The following PTPRB variants were observed in gnomAD, a reference collection of about 807,000 sequenced individuals.
The protein encoded by PTPRB is receptor-type tyrosine-protein phosphatase beta.
A neutral mutation model predicts 238.1 loss-of-function variants in PTPRB; 97 were observed. That is an observed-to-expected ratio of 0.41 (90% CI 0.35 to 0.48). The LOEUF (loss-of-function observed/expected upper bound fraction) is 0.48. Ranked by LOEUF, PTPRB falls within the 20% of genes least tolerant of loss-of-function variation. The probability of loss-of-function intolerance (pLI) is 0.30; values close to 1 mark genes in which losing one functional copy is unlikely to be tolerated. For missense variants in PTPRB, 2,292 were observed against 2,681.9 expected (o/e 0.85, Z 3.21); for synonymous variants, 970 against 995.4 (o/e 0.97, Z 0.48).
At chr12:70,530,485 G>A (rs1873057369) in intron 32 of PTPRB, among the ~76,000 whole-genome samples, 1 of 127,572 alleles carries the variant, frequency 7.8e-6, no homozygotes, top group Non-Finnish European at 1.6e-5. Flanking sequence ...AATATGACAT[G>A]TATTACACAC....
intron 20 of PTPRB, among the ~76,000 whole-genome samples, chr12:70,554,465 G>A (rs10879161): frequency 0.015 from 2,280 of 152,262 alleles, 50 homozygotes; most frequent in East Asian, 0.14. Context: ...ACTCTTACAG[G>A]TGGTTTGACA....
At chr12:70,567,515 C>T (rs996263591) in intron 14 of PTPRB, among the ~76,000 whole-genome samples, 6 of 152,272 alleles carry the variant, frequency 3.9e-5, no homozygotes, top group Non-Finnish European at 5.9e-5. Flanking sequence ...TAATCAAATA[C>T]GAGTTTTATT....
At chr12:70,595,277 A>C (rs1341984556) in intron 5 of PTPRB, among the ~76,000 whole-genome samples, 2 of 152,114 alleles carry the variant, frequency 1.3e-5, no homozygotes, top group South Asian at 2.1e-4. Context: ...GGAGGGGAAC[A>C]TCACACACGG....
intron 11 of PTPRB, among the ~76,000 whole-genome samples, chr12:70,575,545 G>C (rs1446819358): frequency 6.6e-6 from 1 of 152,132 alleles, no homozygotes; most frequent in Non-Finnish European, 1.5e-5. Context: ...CCTTTGCCAA[G>C]TATTTACTGA....
chr12:70,619,861 T>G (rs1884850001), intron 3 of PTPRB, among the ~76,000 whole-genome samples: 1 of 152,224 alleles, frequency 6.6e-6, no homozygotes, highest in Admixed American at 6.5e-5. Context: ...CAGAGTACCT[T>G]TTGAAATTAC....
At position 70,520,141 on chromosome 12, in the gene PTPRB, C is replaced by T. The variant is rs1234527244; in HGVS notation, c.*1348G>A. On this transcript the variant is annotated 3_prime_UTR_variant, in exon 34 of 34. Transcript: ENST00000334414. ...GTGTGAAAAAGGCAAACATCTCCAG[C>T]TCATCTTCTCAGGTATCTATGAAGA... is the stretch of plus-strand genomic sequence containing the variant. 5 of 431,514 alleles carry T rather than the reference C, an allele frequency of 1.2e-5. No individual in the cohort carries two copies. Among genetic ancestry groups the T allele is most frequent in the South Asian group, 5.1e-5 (3 of 58,960 alleles). 26.7% of individuals were successfully genotyped at this position (431,514 alleles called of 1,614,324 possible). A position where few individuals can be genotyped will look rare whatever the true frequency, so the allele number is the denominator to read the frequency against.
Position 70,560,274 on chromosome 12 carries a change from C to T in PTPRB, c.4432+397G>A, listed in dbSNP as rs1878318370. Among the ~76,000 whole-genome samples the T allele has an allele frequency of 6.6e-6, 1 of 152,164 alleles. No individual in the cohort carries two copies. The highest frequency in any genetic ancestry group is 1.5e-5 in the Non-Finnish European group (1 of 68,034). On this transcript the variant is annotated intron_variant, in intron 17 of 33. Coordinates refer to ENST00000334414, the MANE Select transcript of PTPRB (RefSeq NM_001109754.4). This position sits in a 1 kb window ranked among gnomAD's most constrained non-coding sequence, Gnocchi z 4.2. ...TTTTGGGGTACAGGGCTGACGTCCACAGACAATTATGTTCAGTTGCAGATA... is the reference window on the plus strand; with the variant it reads ...TTTTGGGGTACAGGGCTGACGTCCATAGACAATTATGTTCAGTTGCAGATA...
chr12:70,594,349 A>T, intron 6 of PTPRB, 118 bp downstream of exon 6: 2 of 1,340,726 alleles, frequency 1.5e-6, no homozygotes, highest in Non-Finnish European at 2.0e-6. Context: ...TGGGTCTTCT[A>T]TACCTTATAA....
chr12:70,587,063 G>C lies in PTPRB; in HGVS notation c.2255C>G (p.Thr752Arg). 6.2e-7 allele frequency: 1 copy of C among 1,613,790 alleles called. No individual in the cohort carries two copies. Among genetic ancestry groups the C allele is most frequent in the Non-Finnish European group, 8.5e-7 (1 of 1,179,670 alleles). ...TAAGTCTCCACTAATACTGGTGACT[G>C]TAGCCATGTATTTTCGTCCAGGCAC... ...DLVPGRKYMA[T>R]VTSISGDLKN... The change falls in exon 9 of 34, where the codon ACA becomes AGA. Residue 752 changes from threonine to arginine, a missense_variant. By Grantham distance (71) the Thr-to-Arg change is moderately conservative. Coordinates refer to ENST00000334414, the MANE Select transcript of PTPRB (RefSeq NM_001109754.4).
intron 11 of PTPRB, among the ~76,000 whole-genome samples, chr12:70,572,564 T>C (rs1026733806): frequency 6.6e-6 from 1 of 151,866 alleles, no homozygotes; most frequent in Non-Finnish European, 1.5e-5. Flanking sequence ...GGTCAGAAGT[T>C]TGAGAACAGC....
intron 9 of PTPRB, among the ~76,000 whole-genome samples, chr12:70,581,660 C>G (rs1881410131): frequency 6.6e-6 from 1 of 152,074 alleles, no homozygotes; most frequent in Admixed American, 6.6e-5. Context: ...GAATTCAAAG[C>G]TATCTAATCT....
At chr12:70,578,391 C>A (rs146901830) in intron 10 of PTPRB, among the ~76,000 whole-genome samples, 212 of 151,842 alleles carry the variant, frequency 1.4e-3, no homozygotes, top group African/African-American at 4.6e-3. Flanking sequence ...CTAAAAGAGG[C>A]ACCTTTCAAA....
At chr12:70,566,231 A>G (rs1440641717) in intron 15 of PTPRB, among the ~76,000 whole-genome samples, 1 of 152,242 alleles carries the variant, frequency 6.6e-6, no homozygotes, top group Non-Finnish European at 1.5e-5. Flanking sequence ...ATATTAATGA[A>G]AAATCAGAAA....
At chr12:70,534,093 A>G (rs1425925152) in intron 31 of PTPRB, among the ~76,000 whole-genome samples, 1 of 152,238 alleles carries the variant, frequency 6.6e-6, no homozygotes, top group Non-Finnish European at 1.5e-5. Flanking sequence ...GGCCAGAGGC[A>G]AGAATAAGCT....
chr12:70,614,625 C>A (rs79443385), intron 3 of PTPRB, among the ~76,000 whole-genome samples: 4,434 of 152,246 alleles, frequency 0.029, 95 homozygotes, highest in Non-Finnish European at 0.042. Flanking sequence ...GCAAACTTAA[C>A]ACATGTTAGA....
At chr12:70,634,902 A>G (rs1885614355) in intron 2 of PTPRB, among the ~76,000 whole-genome samples, 1 of 152,218 alleles carries the variant, frequency 6.6e-6, no homozygotes, top group Non-Finnish European at 1.5e-5. Flanking sequence ...TCTAAAGCAA[A>G]CCTCTAATAG....
At chr12:70,611,950 C>T (rs1395412616) in intron 3 of PTPRB, among the ~76,000 whole-genome samples, 2 of 152,212 alleles carry the variant, frequency 1.3e-5, no homozygotes, top group Non-Finnish European at 2.9e-5. Flanking sequence ...TTCTTACAGG[C>T]TCTGGCTGCC....
intron 3 of PTPRB, chr12:70,609,918 G>T: frequency 1.8e-6 from 2 of 1,085,428 alleles, no homozygotes; most frequent in African/African-American, 1.7e-5. Context: ...AGCGCGCCCC[G>T]TGGGCGCAGC....
chr12:70,533,011 T>A (rs533530670), intron 31 of PTPRB, among the ~76,000 whole-genome samples: 7 of 152,326 alleles, frequency 4.6e-5, no homozygotes, highest in East Asian at 1.9e-4. Flanking sequence ...GAGATCATTT[T>A]AAATTTTTCT....
Sources: allele counts gnomAD v4.1 joint callset (sites outside exome capture counted in the v4.1 genomes callset), GRCh38; gene constraint gnomAD v4.1.1; non-coding constraint Gnocchi (gnomAD v3.1); transcripts MANE v1.5; gene names NCBI Gene and HGNC (gene_info 2026-07-23, HGNC 2026-07-21).